Variants in PDE10A observed in about 807,000 individuals in gnomAD.
The protein encoded by PDE10A is phosphodiesterase 10A.
Under a neutral mutation model 97.7 loss-of-function variants are expected in PDE10A, and 39 were observed. The observed-to-expected ratio is 0.40, with a 90% confidence interval of 0.31 to 0.52. The LOEUF (loss-of-function observed/expected upper bound fraction) is 0.52, where lower values mean the gene tolerates loss of function less well. PDE10A is among the 20% of genes least tolerant of loss of function. The pLI, the probability that PDE10A is intolerant of heterozygous loss-of-function variation, is 0.56. For missense variants in PDE10A, 731 were observed against 1,047.8 expected, an observed-to-expected ratio of 0.70 and a Z score of 4.17; for synonymous variants, 371 against 376.8, an observed-to-expected ratio of 0.98 and a Z score of 0.18.
chr6:165,869,724 G>A (rs887155000), intron 1 of PDE10A, among the ~76,000 whole-genome samples: 1 of 152,084 alleles, frequency 6.6e-6, no homozygotes, highest in African/African-American at 2.4e-5. Flanking sequence ...AACCAAAACA[G>A]CATGGTATTC....
At chr6:165,894,319 T>C (rs2128482904) in intron 1 of PDE10A, 1 of 456,068 alleles carries the variant, frequency 2.2e-6, no homozygotes, top group East Asian at 6.9e-5. Flanking sequence ...GACAAATTTA[T>C]GAGACAGCGC....
Position 165,361,819 on chromosome 6 carries a change from C to T in PDE10A, c.2783+17375G>A, listed in dbSNP as rs530386156. 9.1e-4 allele frequency among the ~76,000 whole-genome samples: 139 copies of T among 152,122 alleles called. 6 individuals are homozygous for T. In the South Asian group the frequency reaches 0.027, roughly 30 times the overall value. On this transcript the variant is annotated intron_variant, in intron 18 of 21. Coordinates refer to ENST00000539869, the MANE Select transcript of PDE10A (RefSeq NM_001385079.1). ...ACCCTCCAGAAGGAACCAACGTTGC[C>T]GGTACCTTGATTTCAGACTTCTGGC...
chr6:165,571,585 T>C (rs1785052145), intron 1 of PDE10A, among the ~76,000 whole-genome samples: 1 of 152,232 alleles, frequency 6.6e-6, no homozygotes, highest in South Asian at 2.1e-4. Flanking sequence ...GATAGTTCTC[T>C]CATTTGTGAC....
intron 2 of PDE10A, among the ~76,000 whole-genome samples, chr6:165,538,993 T>C (rs1783261680): frequency 6.6e-6 from 1 of 152,232 alleles, no homozygotes; most frequent in East Asian, 1.9e-4. Context: ...CTACATTTTT[T>C]CAAAATGAAT....
chr6:165,818,604 T>C (rs1465550383), intron 1 of PDE10A, among the ~76,000 whole-genome samples: 1 of 152,192 alleles, frequency 6.6e-6, no homozygotes, highest in Non-Finnish European at 1.5e-5. Context: ...AGTTTGCCTG[T>C]GGGAAATGGG....
chr6:165,567,006 A>G (rs1223151411), intron 1 of PDE10A, among the ~76,000 whole-genome samples: 1 of 152,256 alleles, frequency 6.6e-6, no homozygotes, highest in East Asian at 1.9e-4. Flanking sequence ...ACAATATTCA[A>G]GAAAGCACTA....
intron 1 of PDE10A, among the ~76,000 whole-genome samples, chr6:165,725,405 G>A (rs1182998577): frequency 6.6e-6 from 1 of 152,216 alleles, no homozygotes; most frequent in East Asian, 1.9e-4. Flanking sequence ...TGGGGCCAGA[G>A]CCCAAACACG....
intron 1 of PDE10A, among the ~76,000 whole-genome samples, chr6:165,744,687 T>C (rs546517138): frequency 6.6e-6 from 1 of 152,316 alleles, no homozygotes; most frequent in South Asian, 2.1e-4. Context: ...ACAGAAGTAC[T>C]GTTTTGACGT....
chr6:165,580,102 G>A (rs1281622983), intron 1 of PDE10A, among the ~76,000 whole-genome samples: 1 of 152,132 alleles, frequency 6.6e-6, no homozygotes, highest in Non-Finnish European at 1.5e-5. Flanking sequence ...CAAGGACAGG[G>A]CTCTTCCGTT....
chr6:165,605,208 G>A lies in PDE10A; in HGVS notation c.865+56739C>T, dbSNP rs144359684. Among the ~76,000 whole-genome samples, 360 of 152,084 alleles carry A rather than the reference G, an allele frequency of 2.4e-3. 2 individuals are homozygous for A. The highest frequency in any genetic ancestry group is 8.4e-3 in the African/African-American group (349 of 41,460). Reference sequence around the variant, plus strand: ...TTCCTTCCTTTCATCTGTGACTCCTGGCAATCCTTGACATTGCTTCCGTGT... The same window carrying A: ...TTCCTTCCTTTCATCTGTGACTCCTAGCAATCCTTGACATTGCTTCCGTGT... On this transcript the variant is annotated intron_variant, in intron 1 of 21. Transcript: ENST00000539869.
chr6:165,751,948 G>A (rs1793011314), intron 1 of PDE10A, among the ~76,000 whole-genome samples: 1 of 151,938 alleles, frequency 6.6e-6, no homozygotes, highest in South Asian at 2.1e-4. Flanking sequence ...GACCATCCTG[G>A]TTGACATGGT....
At chr6:165,740,276 T>C (rs1430425078) in intron 1 of PDE10A, among the ~76,000 whole-genome samples, 1 of 151,298 alleles carries the variant, frequency 6.6e-6, no homozygotes, top group African/African-American at 2.4e-5. Flanking sequence ...TGTATGTACA[T>C]ACACATATAC....
chr6:165,644,985 C>T (rs2983522), intron 1 of PDE10A, among the ~76,000 whole-genome samples: 52,625 of 152,140 alleles, frequency 0.35, 10,706 homozygotes, highest in Middle Eastern at 0.57. Context: ...AGAACATAAA[C>T]GTCACCCTAA....
chr6:165,619,699 CCAG>C (rs1788027288), intron 1 of PDE10A, among the ~76,000 whole-genome samples: 1 of 112,658 alleles, frequency 8.9e-6, no homozygotes, highest in Non-Finnish European at 2.0e-5. Flanking sequence ...GTAGTGTAGT[CCAG>C]TGTAGTGTAG....
chr6:165,660,174 A>ACC (rs1790168324), intron 1 of PDE10A: 1 of 152,250 alleles, frequency 6.6e-6, no homozygotes, highest in Non-Finnish European at 1.5e-5. Flanking sequence ...TGATGCCAAC[A>ACC]CCCCGGGAGA....
chr6:165,500,277 T>C (rs1159789933), intron 2 of PDE10A, among the ~76,000 whole-genome samples: 1 of 151,942 alleles, frequency 6.6e-6, no homozygotes, highest in East Asian at 1.9e-4. Context: ...ACAGATGGCA[T>C]TGTGCAGAAA....
chr6:165,552,918 C>A (rs960936747), intron 1 of PDE10A, among the ~76,000 whole-genome samples: 3 of 152,084 alleles, frequency 2.0e-5, no homozygotes, highest in East Asian at 3.9e-4. Flanking sequence ...TTGCTGAAAA[C>A]GGCCCAGTTC....
At chr6:165,877,849 T>C (rs536996834) in intron 1 of PDE10A, among the ~76,000 whole-genome samples, 1 of 152,238 alleles carries the variant, frequency 6.6e-6, no homozygotes, top group South Asian at 2.1e-4. Flanking sequence ...AACAACCCTC[T>C]GAGGAAGGCA....
At position 165,738,018 on chromosome 6, in the gene PDE10A, T is replaced by TA. The variant is rs1554314493; in HGVS notation, c.-614-194451_-614-194450insT. 2.1e-5 allele frequency among the ~76,000 whole-genome samples: 3 copies of TA among 141,844 alleles called. 1 individual carries two copies. Among genetic ancestry groups the TA allele is most frequent in the Non-Finnish European group, 4.6e-5 (3 of 65,664 alleles). 93.1% of individuals were successfully genotyped at this position (141,844 alleles called of 152,430 possible). A position where few individuals can be genotyped will look rare whatever the true frequency, so the allele number is the denominator to read the frequency against. On this transcript the variant is annotated intron_variant, in intron 1 of 19. Coordinates refer to the PDE10A transcript ENST00000366882. ...TTCTTTTTTTTATTTTATTTTATTTTTTTATTATTATACTTCAAGTTTTAG... is the reference window on the plus strand; with the variant it reads ...TTCTTTTTTTTATTTTATTTTATTTTATTTATTATTATACTTCAAGTTTTAG...
Sources: allele counts gnomAD v4.1 joint callset (sites outside exome capture counted in the v4.1 genomes callset), GRCh38; gene constraint gnomAD v4.1.1; transcripts MANE v1.5; gene names NCBI Gene and HGNC (gene_info 2026-07-23, HGNC 2026-07-21).